The following HNF4G variants were observed in gnomAD, a reference collection of about 807,000 sequenced individuals.
HNF4G encodes the protein hepatocyte nuclear factor 4-gamma.
Under a neutral mutation model 50.9 loss-of-function variants are expected in HNF4G, and 21 were observed. That is an observed-to-expected ratio of 0.41 (90% confidence interval 0.29 to 0.59). The LOEUF (loss-of-function observed/expected upper bound fraction) is 0.59. Ranked by LOEUF, HNF4G falls within the 20% of genes least tolerant of loss-of-function variation. The probability of loss-of-function intolerance (pLI) is 0.26; values close to 1 mark genes in which losing one functional copy is unlikely to be tolerated. For synonymous variants in HNF4G, 198 were observed against 185.6 expected, an observed-to-expected ratio of 1.07 and a Z score of -0.54; for missense variants, 527 against 559.4, an observed-to-expected ratio of 0.94 and a Z score of 0.58.
At chr8:75,538,122 C>A (rs1585934723), upstream of HNF4G, among the ~76,000 whole-genome samples, 1 of 152,276 alleles carries the variant, frequency 6.6e-6, no homozygotes, top group Non-Finnish European at 1.5e-5. Flanking sequence ...TCTACCATAT[C>A]TTCTGGAAAT....
intron 1 of HNF4G, among the ~76,000 whole-genome samples, chr8:75,477,036 A>G (rs991750918): frequency 1.3e-5 from 2 of 152,216 alleles, no homozygotes; most frequent in Non-Finnish European, 2.9e-5. Flanking sequence ...CTGAGTATTT[A>G]GCTTTAAAAT....
chr8:75,424,726 T>C (rs189060131), intron 1 of HNF4G, among the ~76,000 whole-genome samples: 99 of 152,294 alleles, frequency 6.5e-4, no homozygotes, highest in Middle Eastern at 3.4e-3. Flanking sequence ...ATTTCTTTCT[T>C]TTTTAAGTGG....
chr8:75,502,231 A>G (rs1585900618), intron 2 of HNF4G, among the ~76,000 whole-genome samples: 1 of 152,200 alleles, frequency 6.6e-6, no homozygotes, highest in Non-Finnish European at 1.5e-5. Context: ...AAATTTAAAA[A>G]CAAAGTTTTA....
intron 2 of HNF4G, among the ~76,000 whole-genome samples, chr8:75,513,035 GT>G (rs1805798211): frequency 1.3e-5 from 2 of 152,058 alleles, no homozygotes; most frequent in Middle Eastern, 3.4e-3. Context: ...AACTGATAGA[GT>G]TTTTCTGTTT....
chr8:75,432,726 G>C (rs1811043763), intron 1 of HNF4G, among the ~76,000 whole-genome samples: 1 of 152,050 alleles, frequency 6.6e-6, no homozygotes, highest in Non-Finnish European at 1.5e-5. Context: ...CTTTTTTTAA[G>C]ACTCATCTAA....
chr8:75,474,898 G>A (rs1035457927), intron 1 of HNF4G, among the ~76,000 whole-genome samples: 13 of 151,886 alleles, frequency 8.6e-5, no homozygotes, highest in African/African-American at 2.2e-4. Context: ...AGGTGTCACC[G>A]TGTTGGCCAG....
chr8:75,491,423 A>G (rs559175231), intron 2 of HNF4G, among the ~76,000 whole-genome samples: 1 of 152,254 alleles, frequency 6.6e-6, no homozygotes, highest in South Asian at 2.1e-4. Flanking sequence ...GGTCATAGAA[A>G]TTTGAGAAGC....
upstream of HNF4G, among the ~76,000 whole-genome samples, chr8:75,539,268 C>G (rs1278634871): frequency 6.6e-6 from 1 of 152,084 alleles, no homozygotes; most frequent in Non-Finnish European, 1.5e-5. Flanking sequence ...TGGTTCTGCC[C>G]TTGGGAAGTT....
At chr8:75,522,071 G>T (rs1261944308) in intron 2 of HNF4G, among the ~76,000 whole-genome samples, 1 of 152,184 alleles carries the variant, frequency 6.6e-6, no homozygotes, top group African/African-American at 2.4e-5. Context: ...AGGAACATTT[G>T]TACTTTGTTA....
chr8:75,413,595 A>T (rs1330093334), intron 1 of HNF4G, among the ~76,000 whole-genome samples: 1 of 152,070 alleles, frequency 6.6e-6, no homozygotes, highest in Non-Finnish European at 1.5e-5. Flanking sequence ...TTGGCTGGGT[A>T]TGGTGGCTCA....
chr8:75,555,846 C>T, intron 5 of HNF4G, 136 bp from the exon 6 acceptor site: 3 of 426,850 alleles, frequency 7.0e-6, no homozygotes, highest in Non-Finnish European at 1.3e-5. Flanking sequence ...TTAATGATGG[C>T]ATGTATCTAT....
intron 1 of HNF4G, among the ~76,000 whole-genome samples, chr8:75,458,633 T>G (rs2056089): frequency 0.05 from 7,597 of 152,218 alleles, 273 homozygotes; most frequent in African/African-American, 0.091. Context: ...CCTTAATGTC[T>G]TTGTTTCCTA....
chr8:75,510,553 A>G (rs972770211), intron 2 of HNF4G, among the ~76,000 whole-genome samples: 2 of 152,086 alleles, frequency 1.3e-5, no homozygotes, highest in Admixed American at 6.6e-5. Flanking sequence ...TTTAAACTAT[A>G]TTTTTACTGC....
chr8:75,503,269 C>T (rs1003791807), intron 2 of HNF4G, among the ~76,000 whole-genome samples: 1 of 152,148 alleles, frequency 6.6e-6, no homozygotes, highest in Non-Finnish European at 1.5e-5. Flanking sequence ...CTCTAAGCCT[C>T]AATTTCCTCT....
At chr8:75,416,710 C>T (rs114193840) in intron 1 of HNF4G, among the ~76,000 whole-genome samples, 2,557 of 152,248 alleles carry the variant, frequency 0.017, 51 homozygotes, top group African/African-American at 0.037. Context: ...ATGTAGACTT[C>T]GCATGGGACC....
chr8:75,473,547 G>A (rs1812170237), intron 1 of HNF4G, among the ~76,000 whole-genome samples: 1 of 152,158 alleles, frequency 6.6e-6, no homozygotes, highest in Non-Finnish European at 1.5e-5. Context: ...TAAATCTGAG[G>A]TGAAGAGAAT....
At chr8:75,438,596 C>T (rs991085383) in intron 1 of HNF4G, among the ~76,000 whole-genome samples, 3 of 151,726 alleles carry the variant, frequency 2.0e-5, no homozygotes, top group African/African-American at 7.3e-5. Flanking sequence ...TTATGATATT[C>T]ATTTGGAATA....
chr8:75,499,902 T>A (rs151206699), intron 2 of HNF4G, among the ~76,000 whole-genome samples: 1 of 152,000 alleles, frequency 6.6e-6, no homozygotes, highest in East Asian at 1.9e-4. Flanking sequence ...AAGTGATCAA[T>A]GACACAAATG....
intron 1 of HNF4G, among the ~76,000 whole-genome samples, chr8:75,438,445 C>T (rs931096027): frequency 1.3e-5 from 2 of 152,186 alleles, no homozygotes; most frequent in African/African-American, 2.4e-5. Context: ...CTGTCCCTAA[C>T]ATCCAACCCT....
Sources: gnomAD v4.1 joint callset for allele counts (sites outside exome capture counted in the v4.1 genomes callset) on GRCh38, gnomAD v4.1.1 for gene constraint, MANE v1.5 for transcripts, NCBI Gene and HGNC (gene_info 2026-07-23, HGNC 2026-07-21) for gene names.